Variants in ASIC2 observed in about 807,000 individuals in gnomAD.
The protein encoded by ASIC2 is acid-sensing ion channel 2.
A neutral mutation model predicts 57.3 loss-of-function variants in ASIC2; 25 were observed. That is an observed-to-expected ratio of 0.44 (90% CI 0.32 to 0.61). ASIC2 has a LOEUF of 0.61. Ranked by LOEUF, ASIC2 falls within the 20% of genes least tolerant of loss-of-function variation. The pLI, the probability that ASIC2 is intolerant of heterozygous loss-of-function variation, is 0.06. For synonymous variants in ASIC2, 319 were observed against 307.5 expected (o/e 1.04, Z -0.39); for missense variants, 641 against 738.1 (o/e 0.87, Z 1.52).
intron 1 of ASIC2, among the ~76,000 whole-genome samples, chr17:33,258,402 G>GT (rs1483024104): frequency 6.6e-6 from 1 of 152,216 alleles, no homozygotes; most frequent in Non-Finnish European, 1.5e-5. Context: ...ATAACACAGG[G>GT]TAAGGGACAG....
intron 1 of ASIC2, among the ~76,000 whole-genome samples, chr17:33,206,709 A>G (rs1197034740): frequency 6.6e-6 from 1 of 152,104 alleles, no homozygotes; most frequent in African/African-American, 2.4e-5. Flanking sequence ...AGGGGATACA[A>G]ATAAAGTGGC....
chr17:34,049,628 C>T (rs556509782), intron 1 of ASIC2, among the ~76,000 whole-genome samples: 1 of 152,312 alleles, frequency 6.6e-6, no homozygotes, highest in African/African-American at 2.4e-5. Context: ...TGGTCATGCA[C>T]TTCTAAACTC....
At chr17:33,244,676 G>C (rs959930355) in intron 1 of ASIC2, among the ~76,000 whole-genome samples, 1 of 152,118 alleles carries the variant, frequency 6.6e-6, no homozygotes, top group Non-Finnish European at 1.5e-5. Context: ...GCCCCACCAC[G>C]AGACCCTTGG....
At chr17:33,365,142 A>G (rs530208577) in intron 1 of ASIC2, among the ~76,000 whole-genome samples, 2 of 152,140 alleles carry the variant, frequency 1.3e-5, no homozygotes, top group Non-Finnish European at 2.9e-5. Flanking sequence ...CTCCAACTTC[A>G]TACATACAGA....
At chr17:33,552,567 A>C (rs1915784618) in intron 1 of ASIC2, among the ~76,000 whole-genome samples, 1 of 152,208 alleles carries the variant, frequency 6.6e-6, no homozygotes, top group African/African-American at 2.4e-5. Context: ...GCAGTTTCCT[A>C]CTTTGCAAAA....
chr17:33,023,998 C>A lies in ASIC2; in HGVS notation c.1212G>T (p.Lys404Asn). ...TCCTGCAGAGACAGTAATTGCTGTC[C>A]TTTTCCGCCAACAGACCTGGAGGGG... ...AEPALGLLAE[K>N]DSNYCLCRTP... The change falls in exon 6 of 10, where the codon AAG (lysine) becomes AAT (asparagine). Residue 404 changes from lysine to asparagine, a missense_variant. This residue lies in a region of ASIC2 where 252 missense variants were observed against 319.8 expected (regional missense o/e 0.79). Coordinates refer to ENST00000225823, the MANE Select transcript of ASIC2 (RefSeq NM_183377.2). The A allele has an allele frequency of 6.2e-7, 1 of 1,614,086 alleles. No homozygotes were observed. The highest frequency in any genetic ancestry group is 8.5e-7 in the Non-Finnish European group (1 of 1,180,006).
chr17:33,134,129 A>G (rs1365689723), intron 1 of ASIC2, among the ~76,000 whole-genome samples: 2 of 152,238 alleles, frequency 1.3e-5, no homozygotes, highest in Non-Finnish European at 2.9e-5. Flanking sequence ...AGCAAGTAAT[A>G]TTACATATGC....
chr17:33,886,762 TTAG>T (rs1401284588), intron 1 of ASIC2, among the ~76,000 whole-genome samples: 2 of 151,970 alleles, frequency 1.3e-5, no homozygotes, highest in Non-Finnish European at 2.9e-5. Flanking sequence ...GAGTAAATCC[TTAG>T]TACTTGACGT....
chr17:33,437,101 G>T (rs1038228694), intron 1 of ASIC2, among the ~76,000 whole-genome samples: 1 of 151,314 alleles, frequency 6.6e-6, no homozygotes, highest in Admixed American at 6.6e-5. Context: ...TCCTGACCTC[G>T]TGATCTGCCC....
rs7220946 is a variant in ASIC2 at position 33,390,689 on chromosome 17, G to T, written c.556-278622C>A. 6.6e-3 allele frequency among the ~76,000 whole-genome samples: 1,003 copies of T among 152,268 alleles called. 10 individuals are homozygous for T. Among genetic ancestry groups the T allele is most frequent in the African/African-American group, 0.022 (916 of 41,548 alleles). The stretch of plus-strand genomic sequence containing the variant: ...GCTGGGAGCCAACAAGTCCTCTGCC[G>T]CTAGGACCTCTCCACAGGGCAGCTC... On this transcript the variant is annotated intron_variant, in intron 1 of 9. Transcript: ENST00000359872.
At chr17:33,669,742 G>T (rs567880070) in intron 1 of ASIC2, among the ~76,000 whole-genome samples, 35 of 152,278 alleles carry the variant, frequency 2.3e-4, no homozygotes, top group African/African-American at 8.2e-4. Flanking sequence ...TACAGAATAA[G>T]TTGGTGAGAT....
In ASIC2 at chr17:33,358,021, A is replaced by G. The variant is rs145199844; in HGVS notation, c.556-245954T>C. On this transcript the variant is annotated intron_variant, in intron 1 of 9. Transcript: ENST00000359872. ...TTAACAAGTATCCCAGGTAGTTGTT[A>G]TGCACACTGAAGTTTGACAATCATA... Among the ~76,000 whole-genome samples the G allele has an allele frequency of 2.2e-4, 34 of 152,328 alleles. No individual in the cohort carries two copies. The East Asian group carries it at 6.6e-3, about 29-fold the overall frequency.
intron 1 of ASIC2, among the ~76,000 whole-genome samples, chr17:33,346,916 A>G (rs1907970676): frequency 6.6e-6 from 1 of 152,194 alleles, no homozygotes; most frequent in African/African-American, 2.4e-5. Flanking sequence ...AGGAAAGAGC[A>G]ATAGGAGGGG....
rs568353499 is a variant in ASIC2 at position 33,506,251 on chromosome 17, A to C, written c.556-394184T>G. ...CTACTAAAAATACAAAAAAAAAAAA[A>C]AAAAAGAAAAAATTAGCTGGGTGTG... On this transcript the variant is annotated intron_variant, in intron 1 of 9. Transcript: ENST00000359872. Among the ~76,000 whole-genome samples, 9 of 151,546 alleles carry C rather than the reference A, an allele frequency of 5.9e-5. No homozygotes were observed. In the South Asian group the frequency reaches 1.5e-3, roughly 25 times the overall value.
intron 3 of ASIC2, among the ~76,000 whole-genome samples, chr17:33,087,526 T>G (rs1241773125): frequency 6.6e-6 from 1 of 151,062 alleles, no homozygotes; most frequent in African/African-American, 2.4e-5. Context: ...ATCAACACTT[T>G]CCCAGAGAGT....
At chr17:33,520,846 G>T (rs778669594) in intron 1 of ASIC2, among the ~76,000 whole-genome samples, 3 of 152,178 alleles carry the variant, frequency 2.0e-5, no homozygotes, top group Non-Finnish European at 2.9e-5. Flanking sequence ...ATGACAAAGG[G>T]TATTTTGAAA....
intron 1 of ASIC2, among the ~76,000 whole-genome samples, chr17:33,637,076 A>G (rs935304901): frequency 2.6e-5 from 4 of 151,624 alleles, no homozygotes; most frequent in African/African-American, 7.3e-5. Flanking sequence ...TATTGTCCCT[A>G]TGCAAGATGA....
chr17:33,965,075 C>T (rs1046654240), intron 1 of ASIC2, among the ~76,000 whole-genome samples: 11 of 152,092 alleles, frequency 7.2e-5, no homozygotes, highest in African/African-American at 2.7e-4. Flanking sequence ...TAGTGGCCAA[C>T]ATTCTATGGG....
chr17:33,998,714 C>T (rs960576815), intron 1 of ASIC2, among the ~76,000 whole-genome samples: 8 of 152,024 alleles, frequency 5.3e-5, no homozygotes, highest in African/African-American at 1.9e-4. Flanking sequence ...TATTTCATAG[C>T]ACTATGGTTG....
Sources: gnomAD v4.1 joint callset for allele counts (sites outside exome capture counted in the v4.1 genomes callset) on GRCh38, gnomAD v4.1.1 for gene constraint, gnomAD v4.1.1 regional missense constraint, MANE v1.5 for transcripts, NCBI Gene and HGNC (gene_info 2026-07-23, HGNC 2026-07-21) for gene names.